The following PON3 variants were observed in gnomAD, a reference collection of about 807,000 sequenced individuals.
The protein encoded by PON3 is paraoxonase 3.
A neutral mutation model predicts 36.3 loss-of-function variants in PON3; 37 were observed. The observed-to-expected ratio is 1.02, with a 90% CI of 0.78 to 1.34. The LOEUF (loss-of-function observed/expected upper bound fraction) is 1.34, where lower values mean the gene tolerates loss of function less well. Among genes scored for constraint, PON3 ranks in the 40% most tolerant of loss-of-function variants. PON3 has a pLI of 0.00. For missense variants in PON3, 415 were observed against 426.5 expected (o/e 0.97, Z 0.24); for synonymous variants, 155 against 154.8 (o/e 1.00, Z -0.01).
intron 8 of PON3, among the ~76,000 whole-genome samples, chr7:95,362,004 G>A (rs918673533): frequency 1.3e-5 from 2 of 152,046 alleles, no homozygotes; most frequent in African/African-American, 4.8e-5. Context: ...GCTTCATGTT[G>A]GACAGTGTGA....
At chr7:95,394,349 A>C (rs1449222278) in intron 2 of PON3, among the ~76,000 whole-genome samples, 2 of 152,200 alleles carry the variant, frequency 1.3e-5, no homozygotes, top group African/African-American at 4.8e-5. Context: ...AGGAGAGTGA[A>C]ATACCACAGA....
chr7:95,366,224 C>T (rs1808689394), intron 5 of PON3, among the ~76,000 whole-genome samples: 1 of 152,144 alleles, frequency 6.6e-6, no homozygotes, highest in Non-Finnish European at 1.5e-5. Context: ...GCAGTTGATC[C>T]TCGCAATCCA....
At chr7:95,362,728 C>G (rs1171555981) in intron 7 of PON3, 32 bp downstream of exon 7, 1 of 1,549,160 alleles carries the variant, frequency 6.5e-7, no homozygotes, top group Non-Finnish European at 8.9e-7. Context: ...GGTAAGAAGT[C>G]AGATTGTGTG....
At chr7:95,392,283 C>A (rs760983708) in intron 2 of PON3, among the ~76,000 whole-genome samples, 1 of 152,212 alleles carries the variant, frequency 6.6e-6, no homozygotes, top group Non-Finnish European at 1.5e-5. Context: ...CTTCTGCTCC[C>A]AGCCTGCTTC....
rs1808630391 is a variant in PON3, at chr7:95,363,809, G to A, written c.695+54C>T. The A allele has an allele frequency of 8.2e-5, 124 of 1,505,662 alleles. 2 individuals are homozygous for A. In the South Asian group the frequency reaches 1.3e-3, roughly 16 times the overall value. The allele number at this position is 1,505,662 out of a possible 1,614,324, so 93.3% of individuals were successfully genotyped here. A position where few individuals can be genotyped will look rare whatever the true frequency, so the allele number is the denominator to read the frequency against. ...GGAAGTAACTTCCTCGTAAGGAAAG[G>A]AGTCCACGAAAATGTCAAGGGCAAA... On this transcript the variant is annotated intron_variant, in intron 6 of 8. Transcript: ENST00000265627.
At chr7:95,366,466 A>T (rs889883142) in intron 5 of PON3, among the ~76,000 whole-genome samples, 1 of 152,178 alleles carries the variant, frequency 6.6e-6, no homozygotes, top group Admixed American at 6.5e-5. Context: ...TTAATACATG[A>T]TGTTGAGAAA....
chr7:95,385,391 C>T (rs1809165798), intron 3 of PON3, among the ~76,000 whole-genome samples: 1 of 151,774 alleles, frequency 6.6e-6, no homozygotes, highest in South Asian at 2.1e-4. Flanking sequence ...TACATGCATC[C>T]AATACAGGAG....
At chr7:95,383,117 C>A (rs113623574) in intron 3 of PON3, among the ~76,000 whole-genome samples, 35 of 152,024 alleles carry the variant, frequency 2.3e-4, no homozygotes, top group South Asian at 1.2e-3. Context: ...GATTATCTCA[C>A]TAGATGCAGA....
chr7:95,359,877 G>A lies in PON3; in HGVS notation c.*96C>T. The A allele has an allele frequency of 7.8e-7, 1 of 1,289,636 alleles. No individual in the cohort carries two copies. Among genetic ancestry groups the A allele is most frequent in the Non-Finnish European group, 1.1e-6 (1 of 924,918 alleles). The allele number at this position is 1,289,636 out of a possible 1,614,324, so 79.9% of individuals were successfully genotyped here. A position where few individuals can be genotyped will look rare whatever the true frequency, so the allele number is the denominator to read the frequency against. ...AGAAAAGCCACACTCACTGGTTGGT[G>A]TTTGCTATTTACTTACAGTGCCACT... is the stretch of plus-strand genomic sequence containing the variant. On this transcript the variant is annotated 3_prime_UTR_variant, in exon 9 of 9. Coordinates refer to ENST00000265627, the MANE Select transcript of PON3 (RefSeq NM_000940.3).
Position 95,362,359 on chromosome 7 carries a change from T to G in PON3, c.906+3A>C. 6.2e-7 allele frequency: 1 copy of G among 1,613,688 alleles called. No homozygotes were observed. Among genetic ancestry groups the G allele is most frequent in the Non-Finnish European group, 8.5e-7 (1 of 1,179,682 alleles). On this transcript the variant is annotated splice_donor_region_variant and intron_variant, in intron 8 of 8. Coordinates refer to ENST00000265627, the MANE Select transcript of PON3 (RefSeq NM_000940.3). ...GTGAGCTCAGAGAGGTATAGGAACT[T>G]ACTTCTGATCCTGGAGGGTCCTCAG...
intron 3 of PON3, among the ~76,000 whole-genome samples, chr7:95,376,092 T>A (rs1418427681): frequency 6.6e-6 from 1 of 152,286 alleles, no homozygotes; most frequent in East Asian, 1.9e-4. Flanking sequence ...AAGTATGGTG[T>A]GGTCTATAAC....
chr7:95,388,795 T>C (rs1809256983), intron 3 of PON3, among the ~76,000 whole-genome samples: 1 of 152,136 alleles, frequency 6.6e-6, no homozygotes. Context: ...TGCAGGGACA[T>C]GGATGAAACT....
rs538804525 is a variant in PON3, at chr7:95,383,255, G to A, written c.201+6899C>T. ...ACCCACAGCCAATATCATACTGAATGGGCAAAAACTGGAAGCATTCCCTTT... is the reference window on the plus strand; with the variant it reads ...ACCCACAGCCAATATCATACTGAATAGGCAAAAACTGGAAGCATTCCCTTT... On this transcript the variant is annotated intron_variant, in intron 3 of 8. Transcript: ENST00000265627. 9.0e-3 allele frequency among the ~76,000 whole-genome samples: 1,365 copies of A among 152,250 alleles called. 23 individuals carry two copies. Among genetic ancestry groups the A allele is most frequent in the African/African-American group, 0.031 (1,303 of 41,546 alleles).
Position 95,372,326 on chromosome 7 carries a change from G to A in PON3, c.214C>T (p.Pro72Ser). The A allele has an allele frequency of 6.2e-7, 1 of 1,613,742 alleles. No individual in the cohort carries two copies. The highest frequency in any genetic ancestry group is 1.1e-5 in the South Asian group (1 of 91,072). Residue 72 changes from proline (P) to serine (S), a missense_variant, in exon 4 of 9, where the codon CCA becomes TCA. Pro to Ser is a moderately conservative substitution (Grantham distance 74). Transcript: ENST00000265627. ...TCTGGCGCAAAGTTTGGCATGCCTG[G>A]ATATTTTAATCCCTTTTAAAAATAA... ...LAFISSGLKY[P>S]GMPNFAPDEP...
intron 8 of PON3, among the ~76,000 whole-genome samples, 166 bp from the exon 9 acceptor site, chr7:95,360,297 A>G (rs972919026): frequency 5.2e-4 from 79 of 152,320 alleles, no homozygotes; most frequent in African/African-American, 1.8e-3. Flanking sequence ...AATGTCATAG[A>G]TATCTATGCA....
At chr7:95,364,152 A>G (rs1808640694) in intron 5 of PON3, 89 bp from the exon 6 acceptor site, 1 of 1,006,466 alleles carries the variant, frequency 9.9e-7, no homozygotes, top group Non-Finnish European at 1.6e-6. Context: ...TACATAGACT[A>G]ATACGTTCAT....
rs1485302484 is a variant in PON3, at chr7:95,392,238, GC to G, written c.146-2030del. ...AACTTGTTTAGTTCACCAAACATATGCCAATAGACATGAGAAGTAACATGGC... is the reference window on the plus strand; with the variant it reads ...AACTTGTTTAGTTCACCAAACATATGCAATAGACATGAGAAGTAACATGGC... On this transcript the variant is annotated intron_variant, in intron 2 of 8. Transcript: ENST00000265627. Among the ~76,000 whole-genome samples, 16 of 152,126 alleles carry G rather than the reference GC, an allele frequency of 1.1e-4. 1 individual carries two copies. Among genetic ancestry groups the G allele is most frequent in the Admixed American group, 7.2e-4 (11 of 15,272 alleles).
At chr7:95,369,187 T>C (rs1808758285) in intron 4 of PON3, among the ~76,000 whole-genome samples, 1 of 152,192 alleles carries the variant, frequency 6.6e-6, no homozygotes, top group African/African-American at 2.4e-5. Flanking sequence ...GTTCGTTTAT[T>C]TATTCATTTG....
chr7:95,386,754 G>A (rs1298857962), intron 3 of PON3, among the ~76,000 whole-genome samples: 60 of 152,034 alleles, frequency 3.9e-4, no homozygotes, highest in East Asian at 1.9e-4. Flanking sequence ...CTGGCAAACC[G>A]AATCCAGCAA....
Sources: gnomAD v4.1 joint callset for allele counts (sites outside exome capture counted in the v4.1 genomes callset) on GRCh38, gnomAD v4.1.1 for gene constraint, MANE v1.5 for transcripts, NCBI Gene and HGNC (gene_info 2026-07-23, HGNC 2026-07-21) for gene names.